Variants in OLFM3 observed in about 807,000 individuals in gnomAD.
The protein encoded by OLFM3 is noelin-3.
OLFM3 carries 20 observed loss-of-function variants against 48.6 expected under a neutral mutation model. That is an observed-to-expected ratio of 0.41 (90% CI 0.29 to 0.60). The LOEUF is 0.60. Ranked by LOEUF, OLFM3 falls within the 20% of genes least tolerant of loss-of-function variation. The probability of loss-of-function intolerance (pLI) is 0.28; values close to 1 mark genes in which losing one functional copy is unlikely to be tolerated. For synonymous variants in OLFM3, 222 were observed against 198.1 expected (o/e 1.12, Z -1.01); for missense variants, 437 against 544.3 (o/e 0.80, Z 1.96).
At chr1:101,973,372 C>A (rs1660863381) in intron 1 of OLFM3, among the ~76,000 whole-genome samples, 1 of 152,180 alleles carries the variant, frequency 6.6e-6, no homozygotes, top group Non-Finnish European at 1.5e-5. Context: ...ATGCACCCTT[C>A]CTCTTTTTTT....
intron 4 of OLFM3, among the ~76,000 whole-genome samples, chr1:101,807,746 G>C (rs942597962): frequency 1.3e-5 from 2 of 151,698 alleles, no homozygotes; most frequent in Non-Finnish European, 3.0e-5. Context: ...AAATGTGATG[G>C]CATCATTATA....
chr1:101,885,478 C>T (rs1286242051), intron 1 of OLFM3, among the ~76,000 whole-genome samples: 1 of 151,948 alleles, frequency 6.6e-6, no homozygotes, highest in African/African-American at 2.4e-5. Context: ...TGATGTATTT[C>T]CATAAAGGTA....
chr1:101,828,699 T>A (rs749856679), intron 3 of OLFM3, among the ~76,000 whole-genome samples: 3 of 152,226 alleles, frequency 2.0e-5, no homozygotes, highest in South Asian at 2.1e-4. Flanking sequence ...ACTCTCAAGC[T>A]GTCCTTTGGC....
At chr1:101,930,078 C>T (rs1047931736) in intron 1 of OLFM3, among the ~76,000 whole-genome samples, 9 of 152,132 alleles carry the variant, frequency 5.9e-5, no homozygotes, top group Admixed American at 1.3e-4. Flanking sequence ...AAACTTACTG[C>T]TGGAAACCGT....
chr1:101,822,704 CTTATT>C (rs1570521014), intron 4 of OLFM3, among the ~76,000 whole-genome samples: 1 of 152,164 alleles, frequency 6.6e-6, no homozygotes, highest in East Asian at 1.9e-4. Context: ...TACTTGTTAT[CTTATT>C]TTATGGAGAC....
chr1:101,910,329 G>T (rs767029614), intron 1 of OLFM3, among the ~76,000 whole-genome samples: 1 of 152,118 alleles, frequency 6.6e-6, no homozygotes, highest in South Asian at 2.1e-4. Flanking sequence ...AGCCGGGCGT[G>T]GTAGCGGGCG....
intron 1 of OLFM3, among the ~76,000 whole-genome samples, chr1:101,968,533 G>GA (rs3082438): frequency 0.41 from 48,244 of 118,042 alleles, 11,079 homozygotes; most frequent in Non-Finnish European, 0.49. Flanking sequence ...TTTTTGTTCT[G>GA]AAAAAAAAAA....
At chr1:101,911,598 C>G (rs1043069168) in intron 1 of OLFM3, among the ~76,000 whole-genome samples, 23 of 152,152 alleles carry the variant, frequency 1.5e-4, no homozygotes, top group Admixed American at 9.2e-4. Context: ...CGCAACAGTC[C>G]CCAAGATAGT....
At chr1:101,848,035 A>G (rs956733166) in intron 1 of OLFM3, among the ~76,000 whole-genome samples, 1 of 152,228 alleles carries the variant, frequency 6.6e-6, no homozygotes, top group Non-Finnish European at 1.5e-5. Flanking sequence ...ATTAGATTAC[A>G]TTAGCAAGTG....
rs144555692 is a variant in OLFM3 at position 101,832,124 on chromosome 1, A to G, written c.217-1297T>C. Among the ~76,000 whole-genome samples, 815 of 152,324 alleles carry G rather than the reference A, an allele frequency of 5.4e-3. 7 individuals are homozygous for G. Among genetic ancestry groups the G allele is most frequent in the African/African-American group, 0.019 (777 of 41,568 alleles). On this transcript the variant is annotated intron_variant, in intron 2 of 5. Coordinates refer to ENST00000370103, the MANE Select transcript of OLFM3 (RefSeq NM_058170.4). ...CATCACATTGATGACTATCACCTCA[A>G]GTAATCCACCCACCTTGACCTCCCA...
At chr1:101,930,899 C>A (rs1044979205) in intron 1 of OLFM3, among the ~76,000 whole-genome samples, 1 of 152,132 alleles carries the variant, frequency 6.6e-6, no homozygotes, top group Admixed American at 6.5e-5. Flanking sequence ...AAAGGATTAT[C>A]AAAATAATGG....
intron 1 of OLFM3, among the ~76,000 whole-genome samples, chr1:101,842,503 T>C (rs532119935): frequency 6.6e-6 from 1 of 152,222 alleles, no homozygotes; most frequent in Admixed American, 6.5e-5. Flanking sequence ...GCCGAGATAG[T>C]GCCATGGCAC....
intron 4 of OLFM3, among the ~76,000 whole-genome samples, chr1:101,808,676 A>G (rs1222467200): frequency 6.6e-6 from 1 of 151,900 alleles, no homozygotes; most frequent in Non-Finnish European, 1.5e-5. Context: ...AGCCTCCTAC[A>G]CAATGACGTT....
At chr1:101,899,395 A>T (rs1999796) in intron 1 of OLFM3, among the ~76,000 whole-genome samples, 1 of 152,150 alleles carries the variant, frequency 6.6e-6, no homozygotes, top group Non-Finnish European at 1.5e-5. Context: ...GAGGGAGAGG[A>T]GGGGCAAGAC....
At chr1:101,831,380 A>G (rs1032382591) in intron 2 of OLFM3, among the ~76,000 whole-genome samples, 11 of 152,190 alleles carry the variant, frequency 7.2e-5, no homozygotes, top group African/African-American at 2.4e-4. Context: ...TGGACAGCAT[A>G]GTGTTTGAGG....
intron 1 of OLFM3, among the ~76,000 whole-genome samples, chr1:101,939,874 T>C (rs981306420): frequency 2.6e-5 from 4 of 152,208 alleles, no homozygotes; most frequent in Non-Finnish European, 5.9e-5. Context: ...GATCAAACTT[T>C]ATGATATTAT....
intron 1 of OLFM3, among the ~76,000 whole-genome samples, chr1:101,955,266 C>G (rs1660253719): frequency 6.6e-6 from 1 of 151,928 alleles, no homozygotes; most frequent in South Asian, 2.1e-4. Context: ...AATTGGGAGA[C>G]AGACATTAAT....
At chr1:101,838,696 T>G (rs1362149965) in intron 1 of OLFM3, among the ~76,000 whole-genome samples, 1 of 152,112 alleles carries the variant, frequency 6.6e-6, no homozygotes, top group Non-Finnish European at 1.5e-5. Context: ...GCCAGGCTGG[T>G]CTCAGACTCC....
chr1:101,880,194 T>C (rs753798074), intron 1 of OLFM3, among the ~76,000 whole-genome samples: 57 of 151,840 alleles, frequency 3.8e-4, no homozygotes, highest in Non-Finnish European at 6.9e-4. Flanking sequence ...AATTTCATCA[T>C]GAACAGGGTT....
Sources: gnomAD v4.1 joint callset for allele counts (sites outside exome capture counted in the v4.1 genomes callset) on GRCh38, gnomAD v4.1.1 for gene constraint, MANE v1.5 for transcripts, NCBI Gene and HGNC (gene_info 2026-07-23, HGNC 2026-07-21) for gene names.